The following SEC14L1 variants were observed in gnomAD, a reference collection of about 807,000 sequenced individuals.
The protein encoded by SEC14L1 is SEC14-like protein 1.
SEC14L1 carries 48 observed loss-of-function variants against 85.3 expected under a neutral mutation model. The ratio of observed to expected loss-of-function variants is 0.56; its 90% confidence interval spans 0.45 to 0.72. SEC14L1 has a LOEUF of 0.72. Among genes scored for constraint, SEC14L1 ranks in the 30% least tolerant of loss-of-function variants. SEC14L1 has a pLI of 0.00. For missense variants in SEC14L1, 682 were observed against 921.4 expected, an observed-to-expected ratio of 0.74 and a Z score of 3.36; for synonymous variants, 391 against 355.5, an observed-to-expected ratio of 1.10 and a Z score of -1.12.
chr17:77,143,409 TG>T (rs1381642083), intron 2 of SEC14L1, among the ~76,000 whole-genome samples, 157 bp from the exon 3 acceptor site: 2 of 152,338 alleles, frequency 1.3e-5, no homozygotes, highest in Non-Finnish European at 2.9e-5. Context: ...CCTGCCCTCA[TG>T]TATTTAAATA....
At chr17:77,201,411 T>A (rs1172616770) in intron 9 of SEC14L1, among the ~76,000 whole-genome samples, 5 of 152,024 alleles carry the variant, frequency 3.3e-5, no homozygotes, top group Admixed American at 6.6e-5. Flanking sequence ...TCATCTTTTG[T>A]ATTGTTAAAA....
chr17:77,203,478 G>A (rs1431534276), intron 9 of SEC14L1, 92 bp from the exon 10 acceptor site: 2 of 1,126,740 alleles, frequency 1.8e-6, no homozygotes, highest in Non-Finnish European at 2.6e-6. Flanking sequence ...TAGAACACAG[G>A]CGAACACATA....
intron 3 of SEC14L1, among the ~76,000 whole-genome samples, chr17:77,105,309 A>G (rs1176077160): frequency 6.6e-6 from 1 of 150,614 alleles, no homozygotes; most frequent in African/African-American, 2.4e-5. Context: ...ACAGGGCTCA[A>G]GTGTGTGGTC....
At position 77,155,718 on chromosome 17, in the gene SEC14L1, AC is replaced by A. The variant is rs576534679; in HGVS notation, c.63+12061del. Among the ~76,000 whole-genome samples the A allele has an allele frequency of 9.9e-4, 150 of 152,128 alleles. 1 individual carries two copies. The highest frequency in any genetic ancestry group is 3.4e-3 in the African/African-American group (142 of 41,514). On this transcript the variant is annotated intron_variant, in intron 3 of 16. Transcript: ENST00000436233. ...AAGTTTCAAATGATGAAGTGCCTGC[AC>A]CTCATCTTTATTTATTTATTTATTT...
chr17:77,089,559 CA>C, intron 2 of SEC14L1: 1 of 475,130 alleles, frequency 2.1e-6, no homozygotes, highest in South Asian at 1.5e-5. Context: ...ACTTCATAAA[CA>C]ATGTTACTGT....
At chr17:77,211,755 A>G in intron 14 of SEC14L1, 195 bp from the exon 15 acceptor site, 1 of 668,956 alleles carries the variant, frequency 1.5e-6, no homozygotes, top group Non-Finnish European at 2.5e-6. Context: ...TTGGTGCATG[A>G]CATGTAGCAG....
At chr17:77,166,124 T>C (rs117110008) in intron 3 of SEC14L1, among the ~76,000 whole-genome samples, 2,236 of 152,280 alleles carry the variant, frequency 0.015, 49 homozygotes, top group Admixed American at 0.041. Flanking sequence ...TCTTTGTTTT[T>C]GAGATGAGAT....
intron 3 of SEC14L1, among the ~76,000 whole-genome samples, chr17:77,099,755 A>G (rs1054482582): frequency 2.6e-5 from 4 of 152,112 alleles, no homozygotes; most frequent in South Asian, 2.1e-4. Flanking sequence ...GACTCTCTCA[A>G]ACAAAAACAA....
At chr17:77,096,720 G>A (rs79707092) in intron 3 of SEC14L1, among the ~76,000 whole-genome samples, 3,197 of 152,212 alleles carry the variant, frequency 0.021, 71 homozygotes, top group Admixed American at 0.053. Flanking sequence ...TTGGGTTTTG[G>A]GGCTTTTTTG....
At chr17:77,194,578 A>C in intron 6 of SEC14L1, 99 bp from the exon 7 acceptor site, 1 of 857,280 alleles carries the variant, frequency 1.2e-6, no homozygotes, top group Non-Finnish European at 1.8e-6. Context: ...TGTGAGGCTC[A>C]CCATCTTCCG....
chr17:77,158,916 A>C (rs910138095), intron 3 of SEC14L1, among the ~76,000 whole-genome samples: 3 of 141,398 alleles, frequency 2.1e-5, no homozygotes, highest in African/African-American at 8.0e-5. Context: ...GGCTCAAGCA[A>C]TTCTCGTGCC....
intron 3 of SEC14L1, among the ~76,000 whole-genome samples, chr17:77,107,159 A>C (rs1971932672): frequency 6.6e-6 from 1 of 152,218 alleles, no homozygotes; most frequent in Admixed American, 6.5e-5. Context: ...CCGTGGACCC[A>C]CAGGGGAAAG....
chr17:77,091,197 C>T (rs973837743), intron 2 of SEC14L1, among the ~76,000 whole-genome samples: 5 of 152,086 alleles, frequency 3.3e-5, no homozygotes, highest in Non-Finnish European at 7.4e-5. Context: ...AAGCGATTCT[C>T]CTGCCTCAGC....
intron 9 of SEC14L1, 35 bp downstream of exon 9, chr17:77,200,708 T>C: frequency 6.3e-7 from 1 of 1,580,396 alleles, no homozygotes; most frequent in Non-Finnish European, 8.6e-7. Flanking sequence ...TTTCCATCGT[T>C]GTCTTGATGT....
intron 3 of SEC14L1, among the ~76,000 whole-genome samples, chr17:77,102,586 C>A (rs1338552960): frequency 6.6e-6 from 1 of 151,964 alleles, no homozygotes; most frequent in East Asian, 1.9e-4. Context: ...TCACTGCAAC[C>A]TCCCCCTCCC....
chr17:77,206,144 TA>T lies in SEC14L1; in HGVS notation c.1170-82del. The T allele has an allele frequency of 7.1e-7, 1 of 1,399,286 alleles. No individual in the cohort carries two copies. 86.7% of individuals were successfully genotyped at this position (1,399,286 alleles called of 1,614,324 possible). A position where few individuals can be genotyped will look rare whatever the true frequency, so the allele number is the denominator to read the frequency against. ...ATTATGATGTATTTGGAAATAGCTA[TA>T]AATGACCAAAAAGGAAGAAAATAAG... On this transcript the variant is annotated intron_variant, in intron 11 of 16. Transcript: ENST00000436233. The surrounding 1 kb of genome is among the most constrained non-coding windows in gnomAD (Gnocchi z 4.3).
chr17:77,195,774 C>T (rs1156616852), intron 7 of SEC14L1, among the ~76,000 whole-genome samples: 1 of 152,136 alleles, frequency 6.6e-6, no homozygotes, highest in African/African-American at 2.4e-5. Context: ...AGGCGTGAGC[C>T]ACCAGATTTC....
chr17:77,115,482 G>T (rs1484076725), intron 3 of SEC14L1, among the ~76,000 whole-genome samples: 2 of 152,144 alleles, frequency 1.3e-5, no homozygotes, highest in Admixed American at 6.6e-5. Flanking sequence ...TCCTTTGGTG[G>T]CAAAGTTTGG....
intron 3 of SEC14L1, among the ~76,000 whole-genome samples, chr17:77,102,298 C>G (rs1371052011): frequency 6.6e-6 from 1 of 152,150 alleles, no homozygotes; most frequent in Non-Finnish European, 1.5e-5. Flanking sequence ...TCATCCCCTC[C>G]GGAAAACAGT....
Sources: allele counts gnomAD v4.1 joint callset (sites outside exome capture counted in the v4.1 genomes callset), GRCh38; gene constraint gnomAD v4.1.1; non-coding constraint Gnocchi (gnomAD v3.1); transcripts MANE v1.5; gene names NCBI Gene and HGNC (gene_info 2026-07-23, HGNC 2026-07-21).